The following NOL4L variants were observed in gnomAD, a reference collection of about 807,000 sequenced individuals.
NOL4L encodes nucleolar protein 4 like.
NOL4L carries 7 observed loss-of-function variants against 64.5 expected under a neutral mutation model. The observed-to-expected ratio is 0.11, with a 90% CI of 0.06 to 0.20. The LOEUF is 0.20. Ranked by LOEUF, NOL4L falls within the 10% of genes least tolerant of loss-of-function variation. NOL4L has a pLI of 1.00. For synonymous variants in NOL4L, 413 were observed against 401.0 expected, an observed-to-expected ratio of 1.03 and a Z score of -0.36; for missense variants, 680 against 967.1, an observed-to-expected ratio of 0.70 and a Z score of 3.94.
intron 1 of NOL4L, chr20:32,537,016 C>T: frequency 1.0e-6 from 1 of 974,822 alleles, no homozygotes; most frequent in Non-Finnish European, 1.2e-6. Flanking sequence ...CTCGCGTCCC[C>T]CTTCCGGCCC....
At chr20:32,447,923 A>ATTT (rs1569358853) in intron 10 of NOL4L, 107 bp from the exon 11 acceptor site, 11 of 1,383,150 alleles carry the variant, frequency 8.0e-6, no homozygotes, top group African/African-American at 2.9e-5. Flanking sequence ...GCCCACTGTG[A>ATTT]GTTGGGCACT....
At chr20:32,575,184 T>A (rs1980015332) in intron 1 of NOL4L, among the ~76,000 whole-genome samples, 1 of 152,160 alleles carries the variant, frequency 6.6e-6, no homozygotes, top group Admixed American at 6.5e-5. Flanking sequence ...CTGCTGTGCC[T>A]GATGCGATGG....
At chr20:32,485,057 C>CAA (rs2015999293) in intron 4 of NOL4L, among the ~76,000 whole-genome samples, 1 of 18,454 alleles carries the variant, frequency 5.4e-5, no homozygotes, top group African/African-American at 4.0e-4. Flanking sequence ...GGGGAAATTG[C>CAA]CAAAAAAAAA....
Position 32,477,258 on chromosome 20 carries a change from C to T in NOL4L, c.700-2516G>A, listed in dbSNP as rs575379292. 2.1e-4 allele frequency among the ~76,000 whole-genome samples: 32 copies of T among 152,356 alleles called. 1 individual carries two copies. The highest frequency in any genetic ancestry group is 7.2e-4 in the African/African-American group (30 of 41,566). ...AGGTCCACCAGGTAGGTACAGTTGA[C>T]AGCCCCGCTCCACAGATGAGGAAAC... On this transcript the variant is annotated intron_variant, in intron 4 of 10. Transcript: ENST00000621426.
intron 5 of NOL4L, among the ~76,000 whole-genome samples, chr20:32,459,380 ATT>A (rs35851647): frequency 1.4e-3 from 171 of 121,268 alleles, no homozygotes; most frequent in East Asian, 3.3e-3. Context: ...CGCTTGGCTA[ATT>A]TTTTTTTTTT....
At chr20:32,583,545 G>C (rs896232901) in intron 1 of NOL4L, among the ~76,000 whole-genome samples, 1 of 149,974 alleles carries the variant, frequency 6.7e-6, no homozygotes. Context: ...AAGGAGGGCG[G>C]GGGGAGGCCG....
At chr20:32,471,551 G>C (rs1012621650) in intron 5 of NOL4L, among the ~76,000 whole-genome samples, 2 of 152,208 alleles carry the variant, frequency 1.3e-5, no homozygotes, top group African/African-American at 4.8e-5. Flanking sequence ...CACAGCTGTA[G>C]ATCTGTGCTA....
chr20:32,515,560 C>T (rs967544764), intron 3 of NOL4L, among the ~76,000 whole-genome samples: 3 of 151,798 alleles, frequency 2.0e-5, no homozygotes, highest in South Asian at 2.1e-4. Context: ...GGGAAAGAGA[C>T]GGAGCAGGGG....
intron 1 of NOL4L, among the ~76,000 whole-genome samples, chr20:32,557,086 A>T (rs1600872057): frequency 1.3e-5 from 2 of 152,172 alleles, no homozygotes; most frequent in East Asian, 3.9e-4. Flanking sequence ...CCTGGTGGGG[A>T]TATGTGTGGG....
At chr20:32,482,091 C>T (rs1035781637) in intron 4 of NOL4L, among the ~76,000 whole-genome samples, 2 of 152,106 alleles carry the variant, frequency 1.3e-5, no homozygotes, top group African/African-American at 4.8e-5. Context: ...GTCCAAACAC[C>T]ATTTCAGGTG....
At chr20:32,476,711 C>T (rs1485485655) in intron 4 of NOL4L, among the ~76,000 whole-genome samples, 1 of 152,240 alleles carries the variant, frequency 6.6e-6, no homozygotes, top group African/African-American at 2.4e-5. Context: ...AGACACACTC[C>T]TGGCCTGCCT....
chr20:32,521,307 G>C (rs1328756443), intron 2 of NOL4L, among the ~76,000 whole-genome samples: 1 of 152,112 alleles, frequency 6.6e-6, no homozygotes, highest in African/African-American at 2.4e-5. Context: ...GATAGACTGA[G>C]ACCCACAGAT....
chr20:32,546,372 C>CT (rs1167804597), intron 1 of NOL4L, among the ~76,000 whole-genome samples: 3 of 152,130 alleles, frequency 2.0e-5, no homozygotes, highest in Non-Finnish European at 1.5e-5. Context: ...TCTCAGCCTC[C>CT]TTTTACAGTC....
rs776678981 is a variant in NOL4L at position 32,452,405 on chromosome 20, C to A, written c.1653G>T (p.Ser551=). Reference sequence around the variant, plus strand: ...AGTGGGTGATGGCTGCGGAGTCCCGCGAGTGCTGCTTGTCCAGGGCTATGG... The same window carrying A: ...AGTGGGTGATGGCTGCGGAGTCCCGAGAGTGCTGCTTGTCCAGGGCTATGG... ...DEPIALDKQH[S]RDSAAITHST... Residue 551 remains serine (S), a synonymous_variant, in exon 10 of 11, where the codon TCG becomes TCT. Transcript: ENST00000621426. 7 of 1,608,910 alleles carry A rather than the reference C, an allele frequency of 4.4e-6. No homozygotes were observed. The African/African-American group carries it at 5.3e-5, about 12-fold the overall frequency.
At chr20:32,469,673 CTCCTT>C (rs1261193977) in intron 5 of NOL4L, among the ~76,000 whole-genome samples, 1 of 152,230 alleles carries the variant, frequency 6.6e-6, no homozygotes, top group Non-Finnish European at 1.5e-5. Context: ...ACCTGGCCTT[CTCCTT>C]TATTTTTCTA....
rs949208625 is a variant in NOL4L, at chr20:32,456,180, C to G, written c.1057G>C (p.Asp353His). 1.3e-6 allele frequency: 2 copies of G among 1,599,020 alleles called. No homozygotes were observed. The highest frequency in any genetic ancestry group is 1.3e-5 in the African/African-American group (1 of 74,374). Reference protein sequence around the residue: ...TALGTASYPSDGCGADGLRSR... With the variant: ...TALGTASYPSHGCGADGLRSR... ...CGCAGCCCGTCGGCACCGCAGCCAT[C>G]CGAGGGGTAGGAGGCTGTGCCAAGT... Residue 353 changes from aspartate to histidine, a missense_variant, in exon 6 of 11, where the codon GAT becomes CAT. By Grantham distance (81) the Asp-to-His change is moderately conservative (BLOSUM62 -1). This residue lies in a region of NOL4L where 254 missense variants were observed against 238.7 expected (regional missense o/e 1.06). Transcript: ENST00000621426.
intron 4 of NOL4L, among the ~76,000 whole-genome samples, chr20:32,498,074 C>T (rs552449663): frequency 4.6e-5 from 7 of 152,288 alleles, no homozygotes; most frequent in African/African-American, 1.4e-4. Context: ...GTCTGCAGCC[C>T]GGAAGGGGCT....
In NOL4L at chr20:32,464,840, ATAAT is replaced by A. The variant is rs1380987344; in HGVS notation, c.842-8449_842-8446del. On this transcript the variant is annotated intron_variant, in intron 5 of 10. Coordinates refer to ENST00000621426, the MANE Select transcript of NOL4L (RefSeq NM_001256798.2). This position sits in a 1 kb window ranked among gnomAD's most constrained non-coding sequence, Gnocchi z 5.6. ...ATCCAAAATAGTACCATTTCAACAAATAATTGATACCGTGTTATCAGAGCTGAGA... is the reference window on the plus strand; with the variant it reads ...ATCCAAAATAGTACCATTTCAACAAATGATACCGTGTTATCAGAGCTGAGA... 4 of 413,376 alleles carry A rather than the reference ATAAT, an allele frequency of 9.7e-6. No homozygotes were observed. The highest frequency in any genetic ancestry group is 8.2e-5 in the African/African-American group (4 of 48,710). The allele number at this position is 413,376 out of a possible 1,614,324, so 25.6% of individuals were successfully genotyped here. A position where few individuals can be genotyped will look rare whatever the true frequency, so the allele number is the denominator to read the frequency against.
intron 1 of NOL4L, chr20:32,561,049 G>T (rs1978985389): frequency 6.6e-6 from 1 of 152,340 alleles, no homozygotes. Flanking sequence ...CGCCACCGCG[G>T]GGAGCCCAGG....
Sources: gnomAD v4.1 joint callset for allele counts (sites outside exome capture counted in the v4.1 genomes callset) on GRCh38, gnomAD v4.1.1 for gene constraint, gnomAD v4.1.1 regional missense constraint, Gnocchi (gnomAD v3.1) non-coding constraint, MANE v1.5 for transcripts, NCBI Gene and HGNC (gene_info 2026-07-23, HGNC 2026-07-21) for gene names.